Variants in TPM2 observed in about 807,000 individuals in gnomAD.
TPM2 encodes tropomyosin beta chain.
In TPM2, 26 loss-of-function variants were observed where a neutral mutation model predicts 41.0. The ratio of observed to expected loss-of-function variants is 0.63; its 90% CI spans 0.46 to 0.88. TPM2 has a LOEUF of 0.88. Among genes scored for constraint, TPM2 ranks in the 40% least tolerant of loss-of-function variants. The pLI is 0.00. For synonymous variants in TPM2, 143 were observed against 139.3 expected, an observed-to-expected ratio of 1.03 and a Z score of -0.19; for missense variants, 187 against 355.2, an observed-to-expected ratio of 0.53 and a Z score of 3.81.
In TPM2 at chr9:35,685,121, C is replaced by T. The variant is rs567203917; in HGVS notation, c.563+148G>A. 6.8e-6 allele frequency: 11 copies of T among 1,614,206 alleles called. No homozygotes were observed. In the Admixed American group the frequency reaches 1.7e-4, roughly 24 times the overall value. ...CCTGGTCCATGGTTCGAAGTTCCTC[C>T]TCCAGCTGTCTGGCTCGGCTGGGGG... On this transcript the variant is annotated intron_variant, in intron 5 of 8. Coordinates refer to ENST00000645482, the MANE Select transcript of TPM2 (RefSeq NM_003289.4). This position sits in a 1 kb window ranked among gnomAD's most constrained non-coding sequence, Gnocchi z 5.0.
At chr9:35,686,288 AGCTCC>A in intron 2 of TPM2, 2 of 245,290 alleles carry the variant, frequency 8.2e-6, no homozygotes, top group South Asian at 5.2e-5. Flanking sequence ...TTGCTTGACA[AGCTCC>A]GCTCCCCTGC....
chr9:35,686,276 C>A, intron 2 of TPM2: 1 of 247,496 alleles, frequency 4.0e-6, no homozygotes, highest in Non-Finnish European at 7.9e-6. Flanking sequence ...TACATGCATT[C>A]CTTGCTTGAC....
intron 8 of TPM2, among the ~76,000 whole-genome samples, chr9:35,683,871 C>T (rs923507633): frequency 1.7e-4 from 26 of 152,294 alleles, no homozygotes; most frequent in African/African-American, 5.1e-4. Flanking sequence ...CACTCGGGGA[C>T]GGAATTGTCT....
rs1002180028 is a variant in TPM2, at chr9:35,689,921, G to A, written c.-104C>T. The A allele has an allele frequency of 8.1e-6, 13 of 1,596,006 alleles. No individual in the cohort carries two copies. In the African/African-American group the frequency reaches 1.5e-4, roughly 18 times the overall value. On this transcript the variant is annotated 5_prime_UTR_variant, in exon 1 of 9. Coordinates refer to ENST00000645482, the MANE Select transcript of TPM2 (RefSeq NM_003289.4). ...GGTGGCAGGCGAGGAGGACGGAGCGGGACTGGGACGTCCCGGCCACGCGGG... is the reference window on the plus strand; with the variant it reads ...GGTGGCAGGCGAGGAGGACGGAGCGAGACTGGGACGTCCCGGCCACGCGGG...
chr9:35,686,941 G>T (rs1824952171), intron 2 of TPM2, among the ~76,000 whole-genome samples: 1 of 152,230 alleles, frequency 6.6e-6, no homozygotes, highest in Middle Eastern at 3.2e-3. Context: ...AGGAAAATGA[G>T]AGGAGCAGGG....
Position 35,684,826 on chromosome 9 carries a change from G to GT in TPM2, c.564-20_564-19insA, listed in dbSNP as rs1563928166. On this transcript the variant is annotated intron_variant, in intron 5 of 8. Coordinates refer to ENST00000645482, the MANE Select transcript of TPM2 (RefSeq NM_003289.4). ...ACATTTACTGCAGGGGGTGTGTGGC[G>GT]GGGGGGGCAGGGTGTGAGGGCACAG... 3 of 1,473,890 alleles carry GT rather than the reference G, an allele frequency of 2.0e-6. No homozygotes were observed. Among genetic ancestry groups the GT allele is most frequent in the African/African-American group, 2.5e-5 (1 of 40,056 alleles). 91.3% of individuals were successfully genotyped at this position (1,473,890 alleles called of 1,614,324 possible).
chr9:35,689,818 G>C lies in TPM2; in HGVS notation c.-1C>G, dbSNP rs1825154137. ...GCATCTTCTTCTTGATGGCGTCCAT[G>C]GCTGCGGTGGGGGGTGGGCCGGCCG... On this transcript the variant is annotated 5_prime_UTR_variant, in exon 1 of 9. Transcript: ENST00000645482. The C allele has an allele frequency of 1.2e-6, 2 of 1,613,474 alleles. No individual in the cohort carries two copies. Among genetic ancestry groups the C allele is most frequent in the African/African-American group, 2.7e-5 (2 of 74,908 alleles).
chr9:35,684,694 T>C (rs1253905436), intron 6 of TPM2, 38 bp downstream of exon 6: 25 of 1,613,968 alleles, frequency 1.5e-5, no homozygotes, highest in Non-Finnish European at 1.9e-5. Flanking sequence ...CCCTCCCCTG[T>C]GGGACCCCAT....
Position 35,682,940 on chromosome 9 carries a change from A to T in TPM2, c.*219T>A, listed in dbSNP as rs1219692961. 1.3e-6 allele frequency: 2 copies of T among 1,505,732 alleles called. No individual in the cohort carries two copies. The highest frequency in any genetic ancestry group is 2.6e-5 in the South Asian group (2 of 76,506). 93.3% of individuals were successfully genotyped at this position (1,505,732 alleles called of 1,614,324 possible). On this transcript the variant is annotated 3_prime_UTR_variant, in exon 9 of 9. Coordinates refer to ENST00000645482, the MANE Select transcript of TPM2 (RefSeq NM_003289.4). ...GGAAAACAGCATGGAGACCAAGTTC[A>T]GAATTTATTAAGCAGCAAAGGAGGG...
chr9:35,684,183 G>C, intron 8 of TPM2, 63 bp downstream of exon 8: 1 of 1,543,768 alleles, frequency 6.5e-7, no homozygotes, highest in South Asian at 1.1e-5. Flanking sequence ...AATGGGATGA[G>C]AAGGTACAGG....
In TPM2 at chr9:35,683,953, T is replaced by C. The variant is rs905728085; in HGVS notation, c.772+293A>G. ...AGTACCAGAGAACTAGCTAGAAATG[T>C]AAATCCTCCAGCCCAAAGTCAGCAA... On this transcript the variant is annotated intron_variant, in intron 8 of 8. Transcript: ENST00000645482. The C allele has an allele frequency of 3.9e-5, 17 of 431,110 alleles. No individual in the cohort carries two copies. In the East Asian group the frequency reaches 8.6e-4, roughly 22 times the overall value. The allele number at this position is 431,110 out of a possible 1,614,324, so 26.7% of individuals were successfully genotyped here.
chr9:35,689,023 C>T (rs143764819), intron 2 of TPM2, 123 bp downstream of exon 2: 1,648 of 1,199,244 alleles, frequency 1.4e-3, no homozygotes, highest in Middle Eastern at 2.5e-3. Context: ...TGAGATGAAA[C>T]CATTTCTCTC....
In TPM2 at chr9:35,684,292, G is replaced by A. The variant is rs76414035; in HGVS notation, c.726C>T (p.Ala242=). 1.0e-4 allele frequency: 165 copies of A among 1,614,094 alleles called. No homozygotes were observed. The African/African-American group carries it at 1.7e-3, about 17-fold the overall frequency. ...TCTCCAACTTTGCCACAGACCTCTC[G>A]GCAAACTCTGCTCGGGTCTCAGCCT... The part of the protein sequence containing the change: ...LKEAETRAEF[A]ERSVAKLEKT... The change falls in exon 8 of 9, where the codon GCC becomes GCT. Residue 242 remains alanine (A), a synonymous_variant. Coordinates refer to ENST00000645482, the MANE Select transcript of TPM2 (RefSeq NM_003289.4).
At chr9:35,682,138 C>G, downstream of TPM2, 2 of 1,614,138 alleles carry the variant, frequency 1.2e-6, no homozygotes, top group Non-Finnish European at 1.7e-6. Flanking sequence ...TCTCGACGTT[C>G]TCCTCCTTGG....
chr9:35,684,828 G>A lies in TPM2; in HGVS notation c.564-21C>T, dbSNP rs201630588. 6.5e-5 allele frequency: 105 copies of A among 1,613,430 alleles called. 1 individual carries two copies. The highest frequency in any genetic ancestry group is 7.6e-5 in the Non-Finnish European group (90 of 1,179,748). On this transcript the variant is annotated intron_variant, in intron 5 of 8. Transcript: ENST00000645482. The stretch of plus-strand genomic sequence containing the variant: ...ATTTACTGCAGGGGGTGTGTGGCGG[G>A]GGGGGCAGGGTGTGAGGGCACAGCG...
chr9:35,687,313 A>G (rs1824977812), intron 2 of TPM2, among the ~76,000 whole-genome samples: 1 of 152,162 alleles, frequency 6.6e-6, no homozygotes, highest in Admixed American at 6.5e-5. Context: ...GGGAAATTGT[A>G]AAATAACATG....
Position 35,685,631 on chromosome 9 carries a change from C to G in TPM2, c.374+16G>C. On this transcript the variant is annotated intron_variant, in intron 3 of 8. Transcript: ENST00000645482. This position sits in a 1 kb window ranked among gnomAD's most constrained non-coding sequence, Gnocchi z 5.0. ...CTTCTCCCTCCCGGACCATCCTCCC[C>G]GAGGCCCCTGACCACCTCTCGCTCT... 1 of 1,614,156 alleles carries G rather than the reference C, an allele frequency of 6.2e-7. No homozygotes were observed. The highest frequency in any genetic ancestry group is 8.5e-7 in the Non-Finnish European group (1 of 1,180,034).
downstream of TPM2, chr9:35,682,038 G>A: frequency 6.2e-7 from 1 of 1,602,568 alleles, no homozygotes; most frequent in Non-Finnish European, 8.6e-7. Context: ...GTTTTATTGG[G>A]TTGGGGTGGC....
In TPM2 at chr9:35,684,792, T is replaced by C. The variant is rs1824778766; in HGVS notation, c.579A>G (p.Leu193=). Residue 193 remains leucine, a synonymous_variant, in exon 6 of 9, where the codon CTA becomes CTG. Transcript: ENST00000645482. Reference sequence around the variant, plus strand: ...TGGTAACAATTTTCAGCTCCTCCTCTAGGTCCCCACATTTACTGCAGGGGG... The same window carrying C: ...TGGTAACAATTTTCAGCTCCTCCTCCAGGTCCCCACATTTACTGCAGGGGG... ...AEVAESKCGD[L]EEELKIVTNN... 3 of 1,610,408 alleles carry C rather than the reference T, an allele frequency of 1.9e-6. No homozygotes were observed. The highest frequency in any genetic ancestry group is 1.7e-6 in the Non-Finnish European group (2 of 1,179,344).
Sources: gnomAD v4.1 joint callset for allele counts (sites outside exome capture counted in the v4.1 genomes callset) on GRCh38, gnomAD v4.1.1 for gene constraint, Gnocchi (gnomAD v3.1) non-coding constraint, MANE v1.5 for transcripts, NCBI Gene and HGNC (gene_info 2026-07-23, HGNC 2026-07-21) for gene names.